Variants in KCNB2 observed in about 807,000 individuals in gnomAD.
KCNB2 encodes the protein delayed rectifier potassium channel protein.
In KCNB2, 15 loss-of-function variants were observed where a neutral mutation model predicts 61.5. The observed-to-expected ratio is 0.24, with a 90% CI of 0.16 to 0.38. The LOEUF (loss-of-function observed/expected upper bound fraction) is 0.38, where lower values mean the gene tolerates loss of function less well. KCNB2 is among the 10% of genes least tolerant of loss of function. The probability of loss-of-function intolerance (pLI) is 1.00; values close to 1 mark genes in which losing one functional copy is unlikely to be tolerated. For synonymous variants in KCNB2, 457 were observed against 446.0 expected, an observed-to-expected ratio of 1.02 and a Z score of -0.31; for missense variants, 828 against 1,125.2, an observed-to-expected ratio of 0.74 and a Z score of 3.78.
intron 2 of KCNB2, among the ~76,000 whole-genome samples, chr8:72,622,202 T>C (rs917663223): frequency 1.3e-5 from 2 of 152,166 alleles, no homozygotes; most frequent in Admixed American, 1.3e-4. Context: ...CTTTTTTTGT[T>C]CTGAAAAATA....
intron 2 of KCNB2, among the ~76,000 whole-genome samples, chr8:72,598,126 A>C (rs1807229260): frequency 6.6e-6 from 1 of 152,204 alleles, no homozygotes; most frequent in Admixed American, 6.5e-5. Context: ...GGTATGTCAA[A>C]GCCTGGCAGA....
At chr8:72,701,296 C>G (rs2128991031) in intron 2 of KCNB2, among the ~76,000 whole-genome samples, 1 of 152,278 alleles carries the variant, frequency 6.6e-6, no homozygotes, top group South Asian at 2.1e-4. Flanking sequence ...CAAAACCAAA[C>G]AGGCACTGTT....
At chr8:72,845,647 G>T in intron 2 of KCNB2, among the ~76,000 whole-genome samples, 1 of 152,270 alleles carries the variant, frequency 6.6e-6, no homozygotes, top group East Asian at 1.9e-4. Flanking sequence ...CAGAGAGGAG[G>T]AATCTAGAGA....
At chr8:72,705,722 G>A (rs1476723077) in intron 2 of KCNB2, among the ~76,000 whole-genome samples, 1 of 152,174 alleles carries the variant, frequency 6.6e-6, no homozygotes, top group African/African-American at 2.4e-5. Flanking sequence ...TGGAGAATAT[G>A]GGTGTCCATG....
rs367561589 is a variant in KCNB2, at chr8:72,698,033, AG to A, written c.579+129723del. 2.1e-3 allele frequency among the ~76,000 whole-genome samples: 317 copies of A among 152,226 alleles called. 3 individuals are homozygous for A. Among genetic ancestry groups the A allele is most frequent in the African/African-American group, 7.2e-3 (298 of 41,540 alleles). On this transcript the variant is annotated intron_variant, in intron 2 of 2. Transcript: ENST00000523207. ...GCAATCACACAAGAGAAACAAAGAA[AG>A]GGCATTCAAATAGGAAAGGAAGAAG...
At chr8:72,678,027 C>A (rs145663533) in intron 2 of KCNB2, among the ~76,000 whole-genome samples, 2,352 of 152,284 alleles carry the variant, frequency 0.015, 51 homozygotes, top group African/African-American at 0.054. Context: ...AAAGCTGCCT[C>A]CCCTAAACTG....
chr8:72,659,573 T>C (rs530256788), intron 2 of KCNB2, among the ~76,000 whole-genome samples: 25 of 152,352 alleles, frequency 1.6e-4, no homozygotes, highest in African/African-American at 6.0e-4. Context: ...GAGATGCACA[T>C]TGAAACTGTG....
rs183735477 is a variant in KCNB2 at position 72,862,705 on chromosome 8, C to G, written c.580-73230C>G. 5.4e-4 allele frequency among the ~76,000 whole-genome samples: 82 copies of G among 152,282 alleles called. 1 individual carries two copies. Among genetic ancestry groups the G allele is most frequent in the Admixed American group, 3.5e-3 (53 of 15,294 alleles). On this transcript the variant is annotated intron_variant, in intron 2 of 2. Transcript: ENST00000523207. ...TATTTTTACTGTTACTATCATTACT[C>G]AGGTCTCCACTCTTGTTCATGTTCC...
intron 2 of KCNB2, among the ~76,000 whole-genome samples, chr8:72,704,712 A>G (rs1807190310): frequency 6.6e-6 from 1 of 152,146 alleles, no homozygotes; most frequent in African/African-American, 2.4e-5. Context: ...AAGATGAGGA[A>G]TTTAGCAGTG....
intron 2 of KCNB2, among the ~76,000 whole-genome samples, chr8:72,763,012 A>AT: frequency 6.7e-6 from 1 of 148,918 alleles, no homozygotes; most frequent in South Asian, 2.1e-4. Flanking sequence ...CTTTCTTTGA[A>AT]TTAAGTTATC....
At chr8:72,654,360 G>A (rs1235847757) in intron 2 of KCNB2, among the ~76,000 whole-genome samples, 1 of 152,102 alleles carries the variant, frequency 6.6e-6, no homozygotes, top group African/African-American at 2.4e-5. Context: ...TTTAGCATAA[G>A]ATGTAAAGAT....
At chr8:72,602,037 T>C (rs982110084) in intron 2 of KCNB2, among the ~76,000 whole-genome samples, 6 of 152,220 alleles carry the variant, frequency 3.9e-5, no homozygotes, top group Admixed American at 1.3e-4. Flanking sequence ...TTCTGTTCAC[T>C]GTGTGCCTGG....
At chr8:72,619,372 C>A (rs570583120) in intron 2 of KCNB2, 33 of 533,572 alleles carry the variant, frequency 6.2e-5, no homozygotes, top group African/African-American at 6.1e-4. Context: ...TATTCACTTG[C>A]TTTCTGCCTG....
chr8:72,703,595 G>C (rs1807169806), intron 2 of KCNB2, among the ~76,000 whole-genome samples: 1 of 152,188 alleles, frequency 6.6e-6, no homozygotes, highest in South Asian at 2.1e-4. Context: ...GAGGGTCTCA[G>C]CTGAGAGCTG....
chr8:72,553,964 A>G (rs186174208), intron 1 of KCNB2, among the ~76,000 whole-genome samples: 10 of 152,240 alleles, frequency 6.6e-5, no homozygotes, highest in African/African-American at 2.4e-4. Context: ...GGCTAAGACT[A>G]TTGTGTCCAT....
chr8:72,890,011 T>A (rs1055047322), intron 2 of KCNB2, among the ~76,000 whole-genome samples: 6 of 152,090 alleles, frequency 3.9e-5, no homozygotes, highest in Admixed American at 3.3e-4. Flanking sequence ...CCTCCCAAAG[T>A]GCTAGGATTA....
At chr8:72,722,322 G>A (rs762790461) in intron 2 of KCNB2, among the ~76,000 whole-genome samples, 8 of 152,138 alleles carry the variant, frequency 5.3e-5, no homozygotes, top group Non-Finnish European at 1.2e-4. Flanking sequence ...TCAAATGGTT[G>A]GATGGCTTCT....
At chr8:72,577,102 A>G (rs145163007) in intron 2 of KCNB2, among the ~76,000 whole-genome samples, 6 of 152,334 alleles carry the variant, frequency 3.9e-5, no homozygotes, top group African/African-American at 1.4e-4. Context: ...GTATTTTTCC[A>G]CTTAAATCAT....
At chr8:72,691,751 A>G (rs916405660) in intron 2 of KCNB2, among the ~76,000 whole-genome samples, 2 of 152,072 alleles carry the variant, frequency 1.3e-5, no homozygotes, top group East Asian at 1.9e-4. Context: ...ATTCTATTTC[A>G]TTTCTATTTC....
Sources: allele counts gnomAD v4.1 joint callset (sites outside exome capture counted in the v4.1 genomes callset), GRCh38; gene constraint gnomAD v4.1.1; transcripts MANE v1.5; gene names NCBI Gene and HGNC (gene_info 2026-07-23, HGNC 2026-07-21).